ETV1: variants seen among roughly 807,000 people sequenced by gnomAD.
The protein encoded by ETV1 is ETS variant transcription factor 1, also known as ETS translocation variant 1.
In ETV1, 27 loss-of-function variants were observed where a neutral mutation model predicts 62.3. That is an observed-to-expected ratio of 0.43 (90% CI 0.32 to 0.60). ETV1 has a LOEUF of 0.60. ETV1 is among the 20% of genes least tolerant of loss of function. ETV1 has a pLI of 0.06. For missense variants in ETV1, 605 were observed against 605.8 expected (o/e 1.00, Z 0.01); for synonymous variants, 222 against 199.6 (o/e 1.11, Z -0.94).
chr7:13,953,373 G>A (rs1307371376), intron 6 of ETV1, among the ~76,000 whole-genome samples: 1 of 152,142 alleles, frequency 6.6e-6, no homozygotes. Context: ...TGCTGTAATA[G>A]GGACACTCTT....
intron 6 of ETV1, among the ~76,000 whole-genome samples, chr7:13,960,732 T>A (rs1790071383): frequency 6.6e-6 from 1 of 152,300 alleles, no homozygotes; most frequent in East Asian, 1.9e-4. Context: ...TAATTCTTTT[T>A]GGAGAGAGAA....
chr7:13,965,114 A>C (rs921469832), intron 6 of ETV1, among the ~76,000 whole-genome samples: 1 of 152,190 alleles, frequency 6.6e-6, no homozygotes, highest in Admixed American at 6.5e-5. Context: ...AGAAAAATAC[A>C]CCATGTCTGA....
intron 6 of ETV1, among the ~76,000 whole-genome samples, chr7:13,943,587 T>C (rs572634382): frequency 6.6e-6 from 1 of 152,208 alleles, no homozygotes; most frequent in Non-Finnish European, 1.5e-5. Context: ...GAAGCTTTAT[T>C]CATGATAGCA....
intron 12 of ETV1, among the ~76,000 whole-genome samples, chr7:13,903,123 T>C (rs147218448): frequency 2.7e-4 from 41 of 152,226 alleles, no homozygotes; most frequent in African/African-American, 9.1e-4. Context: ...CCACTCAAAG[T>C]CAAGGCATAG....
At chr7:13,940,990 C>T (rs1475843340) in intron 6 of ETV1, among the ~76,000 whole-genome samples, 1 of 152,148 alleles carries the variant, frequency 6.6e-6, no homozygotes, top group Non-Finnish European at 1.5e-5. Context: ...ACCCTTGGTA[C>T]ACTATTTCAA....
intron 12 of ETV1, among the ~76,000 whole-genome samples, chr7:13,902,341 G>C (rs1053660830): frequency 6.6e-6 from 1 of 151,700 alleles, no homozygotes; most frequent in African/African-American, 2.4e-5. Context: ...TCTGAATGAA[G>C]AAATAAAGTA....
chr7:13,959,999 C>T (rs1789981797), intron 6 of ETV1, among the ~76,000 whole-genome samples: 1 of 149,218 alleles, frequency 6.7e-6, no homozygotes, highest in South Asian at 2.1e-4. Flanking sequence ...GAGTACTGTG[C>T]ATAGACAACC....
chr7:13,965,238 A>C (rs774565688), intron 6 of ETV1, among the ~76,000 whole-genome samples: 23 of 152,202 alleles, frequency 1.5e-4, no homozygotes, highest in Non-Finnish European at 1.3e-4. Context: ...AGAAGCGCAC[A>C]CACTGCAGCC....
At chr7:13,955,091 T>A (rs1348656518) in intron 6 of ETV1, among the ~76,000 whole-genome samples, 1 of 152,202 alleles carries the variant, frequency 6.6e-6, no homozygotes, top group African/African-American at 2.4e-5. Context: ...CTGGGGTAAA[T>A]CTTGCAAAAA....
intron 6 of ETV1, among the ~76,000 whole-genome samples, chr7:13,951,447 C>T (rs576840901): frequency 1.3e-5 from 2 of 152,262 alleles, no homozygotes; most frequent in South Asian, 4.1e-4. Context: ...ATAACAGCAC[C>T]TGCCTCATAG....
In ETV1 at chr7:13,989,487, T is replaced by C. The variant is rs896303420; in HGVS notation, c.-284-23A>G. ...GGACTAAAGAGACGGAGACACCTCT[T>C]TCATCAGGATAGTTTTTGCGACCCA... On this transcript the variant is annotated intron_variant, in intron 1 of 13. Coordinates refer to ENST00000430479, the MANE Select transcript of ETV1 (RefSeq NM_004956.5). 5 of 402,250 alleles carry C rather than the reference T, an allele frequency of 1.2e-5. No individual in the cohort carries two copies. In the South Asian group the frequency reaches 3.7e-4, roughly 29 times the overall value. 24.9% of individuals were successfully genotyped at this position (402,250 alleles called of 1,614,324 possible).
chr7:13,967,875 T>C (rs1780468203), intron 6 of ETV1, among the ~76,000 whole-genome samples: 2 of 152,144 alleles, frequency 1.3e-5, no homozygotes, highest in South Asian at 4.1e-4. Flanking sequence ...ATGACTGCTT[T>C]ATTTTAGTTT....
chr7:13,897,699 T>G (rs371304679), intron 13 of ETV1, among the ~76,000 whole-genome samples: 1 of 152,090 alleles, frequency 6.6e-6, no homozygotes, highest in Admixed American at 6.6e-5. Flanking sequence ...CAAAGAAAAT[T>G]AAGATCTTAA....
chr7:13,974,054 C>A (rs183282301), intron 6 of ETV1, among the ~76,000 whole-genome samples: 3 of 152,240 alleles, frequency 2.0e-5, no homozygotes, highest in Admixed American at 1.3e-4. Context: ...GTCAAAGACA[C>A]AAATGTATCT....
intron 8 of ETV1, among the ~76,000 whole-genome samples, chr7:13,934,750 A>G (rs1434715485): frequency 6.6e-6 from 1 of 152,194 alleles, no homozygotes; most frequent in African/African-American, 2.4e-5. Flanking sequence ...GAAATACTAC[A>G]TTACGCTGTG....
At chr7:13,915,022 G>A (rs942837193) in intron 9 of ETV1, among the ~76,000 whole-genome samples, 11 of 151,078 alleles carry the variant, frequency 7.3e-5, no homozygotes, top group African/African-American at 2.7e-4. Context: ...GATGCTTTTG[G>A]TTAAATTCTT....
At chr7:13,944,214 G>C (rs1341841536) in intron 6 of ETV1, among the ~76,000 whole-genome samples, 1 of 152,160 alleles carries the variant, frequency 6.6e-6, no homozygotes, top group Non-Finnish European at 1.5e-5. Flanking sequence ...GCATGTCTTA[G>C]TCTGTTTAGG....
intron 9 of ETV1, among the ~76,000 whole-genome samples, chr7:13,924,844 C>T (rs1283537603): frequency 6.6e-6 from 1 of 152,166 alleles, no homozygotes. Flanking sequence ...ACTTCAAGAG[C>T]TTTCATGATA....
intron 6 of ETV1, among the ~76,000 whole-genome samples, chr7:13,976,822 C>A (rs1781494702): frequency 6.6e-6 from 1 of 152,122 alleles, no homozygotes. Flanking sequence ...GACCCAGGAG[C>A]AAGGCTTAGG....
Sources: allele counts gnomAD v4.1 joint callset (sites outside exome capture counted in the v4.1 genomes callset), GRCh38; gene constraint gnomAD v4.1.1; transcripts MANE v1.5; gene names NCBI Gene and HGNC (gene_info 2026-07-23, HGNC 2026-07-21).